The following ATP10A variants were observed in gnomAD, a reference collection of about 807,000 sequenced individuals.
The protein encoded by ATP10A is phospholipid-transporting ATPase VA.
Under a neutral mutation model 147.8 loss-of-function variants are expected in ATP10A, and 111 were observed. The ratio of observed to expected loss-of-function variants is 0.75; its 90% confidence interval spans 0.64 to 0.88. ATP10A has a LOEUF of 0.88. Among genes scored for constraint, ATP10A ranks in the 40% least tolerant of loss-of-function variants. The pLI is 0.00. For missense variants in ATP10A, 1,927 were observed against 1,959.0 expected (o/e 0.98, Z 0.31); for synonymous variants, 875 against 841.6 (o/e 1.04, Z -0.69).
intron 1 of ATP10A, among the ~76,000 whole-genome samples, chr15:25,850,199 T>C (rs899668741): frequency 6.6e-6 from 1 of 152,152 alleles, no homozygotes; most frequent in African/African-American, 2.4e-5. Context: ...TGACTTATGT[T>C]CAAAAATGGT....
chr15:25,786,247 G>A (rs1890153712), intron 1 of ATP10A, among the ~76,000 whole-genome samples: 1 of 152,166 alleles, frequency 6.6e-6, no homozygotes, highest in Non-Finnish European at 1.5e-5. Context: ...CTGGGTGCCT[G>A]CCACCCCAGC....
intron 1 of ATP10A, among the ~76,000 whole-genome samples, chr15:25,796,828 C>T (rs1223666803): frequency 2.0e-5 from 3 of 152,312 alleles, no homozygotes; most frequent in African/African-American, 4.8e-5. Context: ...AGGCCTTCCT[C>T]CTTCCGTAGC....
intron 1 of ATP10A, among the ~76,000 whole-genome samples, chr15:25,858,711 C>T (rs1049082859): frequency 4.6e-5 from 7 of 152,018 alleles, no homozygotes; most frequent in African/African-American, 7.2e-5. Flanking sequence ...CAAAAGATGA[C>T]GGAAAGACAC....
intron 1 of ATP10A, among the ~76,000 whole-genome samples, chr15:25,814,908 G>A (rs1891585960): frequency 6.6e-6 from 1 of 152,162 alleles, no homozygotes; most frequent in Non-Finnish European, 1.5e-5. Flanking sequence ...AAGCCAGTGA[G>A]AAAATGCACA....
chr15:25,675,678 G>A (rs555793701), downstream of ATP10A, among the ~76,000 whole-genome samples: 4 of 152,204 alleles, frequency 2.6e-5, no homozygotes, highest in Non-Finnish European at 4.4e-5. Context: ...GGCGGCGCTG[G>A]CTTACACCTG....
At chr15:25,693,453 C>CG (rs1567305205) in intron 14 of ATP10A, among the ~76,000 whole-genome samples, 1 of 152,230 alleles carries the variant, frequency 6.6e-6, no homozygotes. Context: ...AGTGGCTACG[C>CG]GGCTGAGGCA....
chr15:25,751,499 T>C (rs927578642), intron 2 of ATP10A, among the ~76,000 whole-genome samples: 1 of 152,144 alleles, frequency 6.6e-6, no homozygotes, highest in Admixed American at 6.5e-5. Context: ...TTTAGCAAGA[T>C]AGACCATATT....
intron 1 of ATP10A, among the ~76,000 whole-genome samples, chr15:25,835,903 T>C (rs556302230): frequency 1.3e-5 from 2 of 152,362 alleles, no homozygotes; most frequent in South Asian, 4.1e-4. Flanking sequence ...CAGCTCTGCC[T>C]CCGGGGCTCA....
At chr15:25,838,938 G>A (rs929706531) in intron 1 of ATP10A, among the ~76,000 whole-genome samples, 1 of 152,156 alleles carries the variant, frequency 6.6e-6, no homozygotes, top group Non-Finnish European at 1.5e-5. Context: ...CTGTAAACTT[G>A]TCTGGTGGAG....
chr15:25,777,159 G>T (rs1889655587), intron 2 of ATP10A, among the ~76,000 whole-genome samples: 1 of 151,368 alleles, frequency 6.6e-6, no homozygotes, highest in Non-Finnish European at 1.5e-5. Flanking sequence ...TTTCTCCAGG[G>T]CTTGGCCTGC....
chr15:25,764,466 G>C (rs192883875), intron 2 of ATP10A, among the ~76,000 whole-genome samples: 1 of 152,132 alleles, frequency 6.6e-6, no homozygotes. Context: ...GGAGCCTCAC[G>C]AGTGGGATTA....
chr15:25,798,186 C>T (rs1212890491), intron 1 of ATP10A, among the ~76,000 whole-genome samples: 1 of 152,142 alleles, frequency 6.6e-6, no homozygotes, highest in Non-Finnish European at 1.5e-5. Flanking sequence ...GAGCCCTGCC[C>T]TGGCAGGTGA....
intron 1 of ATP10A, among the ~76,000 whole-genome samples, chr15:25,814,426 G>A (rs539505772): frequency 1.3e-5 from 2 of 152,314 alleles, no homozygotes; most frequent in South Asian, 4.1e-4. Context: ...CAAAATCTGC[G>A]TGTACACAAG....
intron 2 of ATP10A, among the ~76,000 whole-genome samples, chr15:25,770,199 G>A (rs1247630310): frequency 6.6e-6 from 1 of 150,656 alleles, no homozygotes; most frequent in Non-Finnish European, 1.5e-5. Context: ...ATCACAACAC[G>A]ACCCGGGCGA....
At position 25,687,501 on chromosome 15, in the gene ATP10A, G is replaced by T. The variant is rs187692794; in HGVS notation, c.3291+202C>A. ...ACCACCTCTCCCTAGAGATGCAGCT[G>T]CTCTCATGCCCCTGAATTAGACTCT... On this transcript the variant is annotated intron_variant, in intron 16 of 20. Coordinates refer to ENST00000555815, the MANE Select transcript of ATP10A (RefSeq NM_024490.4). 5.9e-4 allele frequency among the ~76,000 whole-genome samples: 90 copies of T among 151,888 alleles called. No homozygotes were observed. The Middle Eastern group carries it at 0.01, about 17-fold the overall frequency.
At chr15:25,738,924 G>A (rs565991028) in intron 2 of ATP10A, among the ~76,000 whole-genome samples, 4 of 152,208 alleles carry the variant, frequency 2.6e-5, no homozygotes, top group Non-Finnish European at 5.9e-5. Flanking sequence ...TGGAGTGACA[G>A]ACTGGAGCTT....
chr15:25,738,272 C>A (rs1887398640), intron 2 of ATP10A, among the ~76,000 whole-genome samples: 1 of 152,198 alleles, frequency 6.6e-6, no homozygotes, highest in Admixed American at 6.5e-5. Flanking sequence ...AACCTGCCCC[C>A]TGGAGCATGG....
intron 1 of ATP10A, among the ~76,000 whole-genome samples, chr15:25,843,886 G>A (rs1235870704): frequency 6.6e-6 from 1 of 152,156 alleles, no homozygotes; most frequent in African/African-American, 2.4e-5. Flanking sequence ...GGCACTGGAA[G>A]GGCTGGAGTC....
intron 7 of ATP10A, among the ~76,000 whole-genome samples, chr15:25,718,740 C>A (rs149941599): frequency 6.6e-6 from 1 of 152,154 alleles, no homozygotes; most frequent in Non-Finnish European, 1.5e-5. Flanking sequence ...TGGCAGGTGG[C>A]CGGGAGAGGG....
Sources: allele counts gnomAD v4.1 joint callset (sites outside exome capture counted in the v4.1 genomes callset), GRCh38; gene constraint gnomAD v4.1.1; transcripts MANE v1.5; gene names NCBI Gene and HGNC (gene_info 2026-07-23, HGNC 2026-07-21).